SLC16A7: variants seen among roughly 807,000 people sequenced by gnomAD.
SLC16A7 encodes solute carrier family 16 member 7, also known as monocarboxylate transporter 2.
In SLC16A7, 33 loss-of-function variants were observed where a neutral mutation model predicts 34.9. The ratio of observed to expected loss-of-function variants is 0.94; its 90% CI spans 0.72 to 1.26. The LOEUF (loss-of-function observed/expected upper bound fraction) is 1.26, where lower values mean the gene tolerates loss of function less well. Ranked by LOEUF, SLC16A7 falls within the 50% of genes most tolerant of loss-of-function variation. The pLI is 0.00. For missense variants in SLC16A7, 573 were observed against 578.1 expected (o/e 0.99, Z 0.09); for synonymous variants, 201 against 206.6 (o/e 0.97, Z 0.23).
chr12:59,717,015 G>GT (rs373119507), intron 3 of SLC16A7, among the ~76,000 whole-genome samples: 407 of 152,312 alleles, frequency 2.7e-3, no homozygotes, highest in African/African-American at 9.4e-3. Context: ...AATGATAGGT[G>GT]TTTTGGCAAC....
chr12:59,754,290 A>G (rs1239909615), intron 3 of SLC16A7, among the ~76,000 whole-genome samples: 1 of 152,156 alleles, frequency 6.6e-6, no homozygotes, highest in East Asian at 1.9e-4. Context: ...GACCAAAAAA[A>G]CCCTTCAAAA....
At chr12:59,662,912 A>G (rs1247171107) in intron 2 of SLC16A7, among the ~76,000 whole-genome samples, 1 of 152,144 alleles carries the variant, frequency 6.6e-6, no homozygotes, top group Non-Finnish European at 1.5e-5. Context: ...TAGAAGAAAT[A>G]TCTTATGTGA....
chr12:59,695,871 C>T (rs942167606), intron 2 of SLC16A7, among the ~76,000 whole-genome samples: 2 of 151,890 alleles, frequency 1.3e-5, no homozygotes, highest in Non-Finnish European at 2.9e-5. Context: ...TCTGTCGCCC[C>T]GATTTGATTA....
At chr12:59,754,526 C>G (rs1329725003) in intron 3 of SLC16A7, among the ~76,000 whole-genome samples, 1 of 152,092 alleles carries the variant, frequency 6.6e-6, no homozygotes, top group Non-Finnish European at 1.5e-5. Flanking sequence ...ATAAATTCCT[C>G]GACACGTACA....
At position 59,670,555 on chromosome 12, in the gene SLC16A7, C is replaced by T. The variant is rs139062156; in HGVS notation, c.-31+15305C>T. Among the ~76,000 whole-genome samples, 3 of 152,246 alleles carry T rather than the reference C, an allele frequency of 2.0e-5. No individual in the cohort carries two copies. The East Asian group carries it at 5.8e-4, about 29-fold the overall frequency. Reference sequence around the variant, plus strand: ...TCAATTATGGGTGAGATTTGGGGTACAGCCCATCCCAGAGCAAAATTCCTC... The same window carrying T: ...TCAATTATGGGTGAGATTTGGGGTATAGCCCATCCCAGAGCAAAATTCCTC... On this transcript the variant is annotated intron_variant, in intron 2 of 5. Transcript: ENST00000547379.
At chr12:59,602,023 C>G (rs188625839) in intron 1 of SLC16A7, among the ~76,000 whole-genome samples, 3 of 152,234 alleles carry the variant, frequency 2.0e-5, no homozygotes, top group Non-Finnish European at 4.4e-5. Context: ...AAAAATGCCT[C>G]TCTACATTTT....
intron 3 of SLC16A7, among the ~76,000 whole-genome samples, chr12:59,732,134 T>C (rs555118011): frequency 6.6e-6 from 1 of 152,026 alleles, no homozygotes; most frequent in African/African-American, 2.4e-5. Flanking sequence ...ATGCTAATTT[T>C]TGGCTGGGCA....
At chr12:59,699,494 G>C (rs1162739291) in intron 2 of SLC16A7, among the ~76,000 whole-genome samples, 5 of 151,710 alleles carry the variant, frequency 3.3e-5, no homozygotes, top group Non-Finnish European at 7.4e-5. Context: ...GCTGGTTTCA[G>C]TGTAAATTTC....
intron 3 of SLC16A7, chr12:59,735,945 G>T: frequency 8.0e-7 from 1 of 1,243,310 alleles, no homozygotes. Context: ...AAGGAGAAGC[G>T]GAATGCATCA....
intron 3 of SLC16A7, among the ~76,000 whole-genome samples, chr12:59,764,300 G>C (rs1881313157): frequency 6.6e-6 from 1 of 152,016 alleles, no homozygotes; most frequent in African/African-American, 2.4e-5. Context: ...CTGCAGAAGA[G>C]AAGTTTGAAG....
chr12:59,602,111 A>G (rs1878712745), intron 1 of SLC16A7, among the ~76,000 whole-genome samples: 2 of 152,198 alleles, frequency 1.3e-5, no homozygotes, highest in African/African-American at 4.8e-5. Context: ...TTGTTTAAAC[A>G]ATTTATTTGG....
In SLC16A7 at chr12:59,779,497, G is replaced by T. The variant is rs201787046; in HGVS notation, c.1255G>T (p.Val419Leu). Residue 419 changes from valine to leucine, a missense_variant, in exon 6 of 6, where the codon GTG becomes TTG. Coordinates refer to ENST00000547379, the MANE Select transcript of SLC16A7 (RefSeq NM_001270623.2). ...SCGAIVVAASVWLLIGNAINY... is the reference protein window; with the variant it reads ...SCGAIVVAASLWLLIGNAINY... ...TGGGGCTATTGTGGTAGCAGCAAGC[G>T]TGTGGCTGCTCATTGGCAATGCTAT... 1 of 1,609,832 alleles carries T rather than the reference G, an allele frequency of 6.2e-7. No homozygotes were observed.
intron 1 of SLC16A7, among the ~76,000 whole-genome samples, chr12:59,634,383 C>A (rs146238004): frequency 3.9e-5 from 6 of 152,034 alleles, no homozygotes; most frequent in African/African-American, 1.4e-4. Context: ...TATTTAATAT[C>A]ATCACCATAG....
At chr12:59,597,117 A>G (rs912058381) in intron 1 of SLC16A7, 1 of 152,120 alleles carries the variant, frequency 6.6e-6, no homozygotes, top group Non-Finnish European at 1.5e-5. Flanking sequence ...CTTCCGCGAA[A>G]AGGATTGCAG....
At chr12:59,688,530 A>G (rs1410990393) in intron 2 of SLC16A7, among the ~76,000 whole-genome samples, 4 of 152,120 alleles carry the variant, frequency 2.6e-5, no homozygotes, top group African/African-American at 7.2e-5. Flanking sequence ...TGCATATTAA[A>G]TTGTTAAGTG....
chr12:59,699,261 G>A (rs761818601), intron 2 of SLC16A7, among the ~76,000 whole-genome samples: 21 of 151,690 alleles, frequency 1.4e-4, no homozygotes, highest in Non-Finnish European at 2.7e-4. Flanking sequence ...AGAAGGACAA[G>A]TTGGAAGCTT....
intron 1 of SLC16A7, among the ~76,000 whole-genome samples, chr12:59,637,588 GA>G (rs1171097071): frequency 6.6e-6 from 1 of 151,864 alleles, no homozygotes; most frequent in Non-Finnish European, 1.5e-5. Context: ...ACAGGTTAAT[GA>G]AAAAAGCATG....
intron 1 of SLC16A7, among the ~76,000 whole-genome samples, chr12:59,637,394 T>G (rs1880476987): frequency 6.6e-6 from 1 of 152,054 alleles, no homozygotes; most frequent in Admixed American, 6.6e-5. Flanking sequence ...GAGTGACTAG[T>G]TATTTTCACC....
intron 1 of SLC16A7, among the ~76,000 whole-genome samples, chr12:59,646,934 T>G (rs1296343976): frequency 1.3e-5 from 2 of 152,192 alleles, no homozygotes; most frequent in African/African-American, 4.8e-5. Context: ...CCCCTTTGTT[T>G]TGGCCAATTT....
Sources: gnomAD v4.1 joint callset for allele counts (sites outside exome capture counted in the v4.1 genomes callset) on GRCh38, gnomAD v4.1.1 for gene constraint, MANE v1.5 for transcripts, NCBI Gene and HGNC (gene_info 2026-07-23, HGNC 2026-07-21) for gene names.